ZNF695: variants seen among roughly 807,000 people sequenced by gnomAD.
ZNF695 encodes zinc finger protein 695.
Under a neutral mutation model 11.2 loss-of-function variants are expected in ZNF695, and 11 were observed. The observed-to-expected ratio is 0.98, with a 90% CI of 0.62 to 1.62. The LOEUF (loss-of-function observed/expected upper bound fraction) is 1.62, where lower values mean the gene tolerates loss of function less well. Among genes scored for constraint, ZNF695 ranks in the 40% most tolerant of loss-of-function variants. The pLI, the probability that ZNF695 is intolerant of heterozygous loss-of-function variation, is 0.00. For synonymous variants in ZNF695, 190 were observed against 201.4 expected (o/e 0.94, Z 0.48); for missense variants, 559 against 590.5 (o/e 0.95, Z 0.55).
intron 1 of ZNF695, among the ~76,000 whole-genome samples, chr1:247,004,812 A>C (rs1669488504): frequency 6.6e-6 from 1 of 152,244 alleles, no homozygotes; most frequent in Non-Finnish European, 1.5e-5. Context: ...AAAGAAATGA[A>C]GAAAGTAATC....
chr1:246,966,994 A>T (rs1248403222), intron 5 of ZNF695: 1 of 392,694 alleles, frequency 2.5e-6, no homozygotes, highest in Non-Finnish European at 5.0e-6. Context: ...GCTGGAGTGC[A>T]ATGGCGCAAT....
chr1:246,954,956 CCCAAATCTCAT>C (rs935522811), intron 5 of ZNF695, among the ~76,000 whole-genome samples: 2 of 152,126 alleles, frequency 1.3e-5, no homozygotes, highest in African/African-American at 2.4e-5. Context: ...TGTGTCCCCA[CCCAAATCTCAT>C]CCAAATCTCA....
chr1:246,998,533 G>A (rs867536192), intron 3 of ZNF695, among the ~76,000 whole-genome samples: 2 of 152,138 alleles, frequency 1.3e-5, no homozygotes, highest in Non-Finnish European at 2.9e-5. Flanking sequence ...AATTTCTGTA[G>A]AATCACATTT....
intron 4 of ZNF695, among the ~76,000 whole-genome samples, chr1:246,972,018 T>A (rs1668441078): frequency 6.6e-6 from 1 of 152,098 alleles, no homozygotes; most frequent in South Asian, 2.1e-4. Context: ...TTGCCTCAGC[T>A]CCTTCCCTCC....
At chr1:246,999,234 G>C (rs984600059) in intron 3 of ZNF695, 114 bp downstream of exon 3, 1 of 769,686 alleles carries the variant, frequency 1.3e-6, no homozygotes, top group Non-Finnish European at 2.2e-6. Flanking sequence ...AGAAACCCAG[G>C]CTTCTCAGAA....
chr1:246,959,314 T>A (rs994326724), intron 5 of ZNF695, among the ~76,000 whole-genome samples: 1,701 of 29,216 alleles, frequency 0.058, 16 homozygotes, highest in Non-Finnish European at 0.063. Flanking sequence ...AAAAAAAATA[T>A]ATATATATAT....
chr1:246,945,574 T>C (rs1457760896), downstream of ZNF695: 14 of 521,230 alleles, frequency 2.7e-5, no homozygotes, highest in Non-Finnish European at 4.9e-5. Context: ...TTTCTATTCA[T>C]GGAGTTAGGA....
At chr1:246,985,167 C>A (rs1278907487), downstream of ZNF695, among the ~76,000 whole-genome samples, 4 of 152,164 alleles carry the variant, frequency 2.6e-5, no homozygotes, top group East Asian at 5.8e-4. Flanking sequence ...TTACACCTAA[C>A]ATTTATCCTT....
At chr1:246,964,733 T>C (rs1323603851) in intron 5 of ZNF695, among the ~76,000 whole-genome samples, 1 of 152,078 alleles carries the variant, frequency 6.6e-6, no homozygotes, top group East Asian at 1.9e-4. Context: ...TATCCGGGCA[T>C]GGTGGCATAT....
chr1:246,976,530 C>T (rs992905870), intron 4 of ZNF695, among the ~76,000 whole-genome samples: 1 of 151,894 alleles, frequency 6.6e-6, no homozygotes, highest in Non-Finnish European at 1.5e-5. Flanking sequence ...CGCGGTGGCT[C>T]ACACCTGTAA....
chr1:246,978,847 G>A (rs1668632579), intron 4 of ZNF695, among the ~76,000 whole-genome samples: 2 of 100,418 alleles, frequency 2.0e-5, no homozygotes, highest in East Asian at 3.9e-3. Context: ...GCTGCTTGTC[G>A]GGGAAATGAC....
At chr1:246,973,455 T>C (rs577319681) in intron 4 of ZNF695, among the ~76,000 whole-genome samples, 5 of 152,346 alleles carry the variant, frequency 3.3e-5, no homozygotes, top group Admixed American at 1.3e-4. Context: ...AATGTGAGAT[T>C]ATACATGTGA....
At chr1:246,955,578 T>C (rs1270255686) in intron 5 of ZNF695, among the ~76,000 whole-genome samples, 1 of 152,266 alleles carries the variant, frequency 6.6e-6, no homozygotes, top group East Asian at 1.9e-4. Flanking sequence ...ATTGAGCTTG[T>C]AAACAAACAC....
chr1:246,978,004 T>C (rs564102988), intron 4 of ZNF695, among the ~76,000 whole-genome samples: 5 of 152,326 alleles, frequency 3.3e-5, no homozygotes, highest in African/African-American at 1.2e-4. Flanking sequence ...CCAGTGTTTT[T>C]TAATTCAGAG....
At chr1:247,007,494 CAAAAAA>C (rs34758795) in intron 1 of ZNF695, among the ~76,000 whole-genome samples, 6 of 79,468 alleles carry the variant, frequency 7.6e-5, no homozygotes, top group African/African-American at 1.1e-4. Context: ...GACTCCGTCT[CAAAAAA>C]AAAAAAAAAA....
intron 4 of ZNF695, chr1:246,968,459 T>G (rs1572512689): frequency 6.6e-6 from 1 of 152,424 alleles, no homozygotes; most frequent in East Asian, 1.9e-4. Flanking sequence ...TGGTGTTGAG[T>G]GCCTGTGGCT....
intron 5 of ZNF695, among the ~76,000 whole-genome samples, chr1:246,961,300 T>C (rs1384212518): frequency 6.6e-6 from 1 of 152,222 alleles, no homozygotes; most frequent in Non-Finnish European, 1.5e-5. Flanking sequence ...AATGAGCTGT[T>C]TATTTGTTCA....
At chr1:246,952,549 C>CTTT (rs11326820) in intron 5 of ZNF695, among the ~76,000 whole-genome samples, 3 of 137,398 alleles carry the variant, frequency 2.2e-5, no homozygotes, top group African/African-American at 2.8e-5. Context: ...TCTTCTTCTT[C>CTTT]TTTTTTTTTT....
intron 3 of ZNF695, among the ~76,000 whole-genome samples, 187 bp from the exon 4 acceptor site, chr1:246,988,442 C>T (rs532201499): frequency 6.6e-6 from 1 of 152,030 alleles, no homozygotes; most frequent in South Asian, 2.1e-4. Context: ...ATCCTAAAAG[C>T]AGCCAAAGGG....
Sources: gnomAD v4.1 joint callset for allele counts (sites outside exome capture counted in the v4.1 genomes callset) on GRCh38, gnomAD v4.1.1 for gene constraint, MANE v1.5 for transcripts, NCBI Gene and HGNC (gene_info 2026-07-23, HGNC 2026-07-21) for gene names.